Variants in FCGRT observed in about 807,000 individuals in gnomAD.
The protein encoded by FCGRT is IgG receptor FcRn large subunit p51.
A neutral mutation model predicts 35.7 loss-of-function variants in FCGRT; 13 were observed. The ratio of observed to expected loss-of-function variants is 0.36; its 90% CI spans 0.24 to 0.58. The LOEUF (loss-of-function observed/expected upper bound fraction) is 0.58, where lower values mean the gene tolerates loss of function less well. Ranked by LOEUF, FCGRT falls within the 20% of genes least tolerant of loss-of-function variation. FCGRT has a pLI of 0.77. For missense variants in FCGRT, 455 were observed against 474.9 expected (o/e 0.96, Z 0.39); for synonymous variants, 233 against 216.5 (o/e 1.08, Z -0.67).
chr19:49,523,525 G>A (rs1196152882), intron 4 of FCGRT, among the ~76,000 whole-genome samples: 1 of 152,044 alleles, frequency 6.6e-6, no homozygotes, highest in East Asian at 1.9e-4. Context: ...TCGAGATCGT[G>A]CCACTGCACT....
intron 4 of FCGRT, among the ~76,000 whole-genome samples, chr19:49,522,471 G>A (rs57752555): frequency 0.052 from 7,879 of 151,244 alleles, 283 homozygotes; most frequent in Middle Eastern, 0.097. Flanking sequence ...TTGCTCTGTC[G>A]CCCAGGCTGG....
intron 4 of FCGRT, among the ~76,000 whole-genome samples, chr19:49,517,858 A>G (rs1231228250): frequency 6.6e-6 from 1 of 152,010 alleles, no homozygotes; most frequent in Non-Finnish European, 1.5e-5. Flanking sequence ...TCGCCCAGCC[A>G]ATTTTTGTAT....
intron 4 of FCGRT, among the ~76,000 whole-genome samples, chr19:49,518,853 T>A (rs912056478): frequency 6.8e-6 from 1 of 146,480 alleles, no homozygotes; most frequent in Non-Finnish European, 1.5e-5. Flanking sequence ...GTTTTTTTCT[T>A]TTTTTTGGAG....
chr19:49,513,308 C>T (rs1045371810), intron 1 of FCGRT, 79 bp from the exon 2 acceptor site: 9 of 642,560 alleles, frequency 1.4e-5, no homozygotes, highest in Admixed American at 4.4e-5. Flanking sequence ...GCGTCCTGGT[C>T]CCGGCCGTGC....
In FCGRT at chr19:49,526,411, A is replaced by C. The variant is rs1248841158; in HGVS notation, c.*292A>C. ...GGACTGAATGGCGGCTGGGCCTCGG[A>C]TCTCTCCTACAGGTAACATGCTGCC... On this transcript the variant is annotated 3_prime_UTR_variant, in exon 7 of 7. Coordinates refer to ENST00000221466, the MANE Select transcript of FCGRT (RefSeq NM_001136019.3). 2.2e-6 allele frequency: 1 copy of C among 446,874 alleles called. No homozygotes were observed. Among genetic ancestry groups the C allele is most frequent in the East Asian group, 4.6e-5 (1 of 21,950 alleles). The allele number at this position is 446,874 out of a possible 1,614,324, so 27.7% of individuals were successfully genotyped here.
rs2079985021 is a variant in FCGRT at position 49,513,367 on chromosome 19, C to A, written c.-14-20C>A. The A allele has an allele frequency of 4.6e-6, 5 of 1,092,028 alleles. No individual in the cohort carries two copies. The highest frequency in any genetic ancestry group is 5.8e-6 in the Non-Finnish European group (5 of 865,908). The allele number at this position is 1,092,028 out of a possible 1,614,324, so 67.6% of individuals were successfully genotyped here. On this transcript the variant is annotated intron_variant, in intron 1 of 6. Transcript: ENST00000221466. ...GCGGGCCGGGGGTCGGGAGGAGTCA[C>A]GTGCCCCCTCCCGCCCCAGGTCGTC...
In FCGRT at chr19:49,517,034, T is replaced by A. The variant is rs565990700; in HGVS notation, c.601+2548T>A. Among the ~76,000 whole-genome samples the A allele has an allele frequency of 5.3e-5, 8 of 150,928 alleles. No individual in the cohort carries two copies. In the South Asian group the frequency reaches 1.0e-3, roughly 20 times the overall value. ...GTAAGACCGCATCTCTACTAAAAAC[T>A]CAAAAAATTAGCCTGGCATGGTGGT... On this transcript the variant is annotated intron_variant, in intron 4 of 6. Transcript: ENST00000221466.
rs1177979004 is a variant in FCGRT at position 49,524,519 on chromosome 19, T to C, written c.614T>C (p.Met205Thr). ...TGATTTCCTGCAGAGCCCCCCTCCA[T>C]GCGCCTGAAGGCCCGACCCAGCAGC... is the stretch of plus-strand genomic sequence containing the variant. ...GNLEWKEPPS[M>T]RLKARPSSPG... Residue 205 changes from methionine to threonine, a missense_variant, in exon 5 of 7, where the codon ATG (methionine) becomes ACG (threonine). Physicochemically the swap from Met to Thr is moderately conservative, Grantham distance 81. Transcript: ENST00000221466. 5 of 1,607,100 alleles carry C rather than the reference T, an allele frequency of 3.1e-6. No individual in the cohort carries two copies. Among genetic ancestry groups the C allele is most frequent in the East Asian group, 4.5e-5 (2 of 44,692 alleles).
chr19:49,524,986 C>T (rs2122699600), intron 5 of FCGRT: 1 of 691,338 alleles, frequency 1.4e-6, no homozygotes, highest in East Asian at 2.8e-5. Flanking sequence ...CTTCTGGCCT[C>T]ACTGAGTCTG....
intron 4 of FCGRT, among the ~76,000 whole-genome samples, chr19:49,514,867 T>G: frequency 6.6e-6 from 1 of 151,834 alleles, no homozygotes; most frequent in African/African-American, 2.4e-5. Context: ...TAATTTTGTA[T>G]TTTTAGTAGA....
rs1168003686 is a variant in FCGRT at position 49,524,653 on chromosome 19, G to A, written c.748G>A (p.Gly250Ser). The change falls in exon 5 of 7, where the codon GGC (glycine) becomes AGC (serine). Residue 250 changes from glycine to serine, a missense_variant. By Grantham distance (56) the Gly-to-Ser change is moderately conservative. Transcript: ENST00000221466. ...LAAGTGQGDF[G>S]PNSDGSFHAS... ...CGCTGGCACCGGCCAGGGTGACTTC[G>A]GCCCCAACAGTGACGGATCCTTCCA... 1.9e-6 allele frequency: 3 copies of A among 1,607,140 alleles called. No homozygotes were observed. Among genetic ancestry groups the A allele is most frequent in the Non-Finnish European group, 2.5e-6 (3 of 1,180,008 alleles).
chr19:49,525,810 G>T (rs2080072703), intron 6 of FCGRT, among the ~76,000 whole-genome samples, 200 bp from the exon 7 acceptor site: 1 of 151,552 alleles, frequency 6.6e-6, no homozygotes, highest in African/African-American at 2.4e-5. Context: ...AGAGGGAGGG[G>T]GAGACAGACC....
chr19:49,520,346 A>ATTTTT (rs77327285), intron 4 of FCGRT, among the ~76,000 whole-genome samples: 30 of 121,452 alleles, frequency 2.5e-4, no homozygotes, highest in African/African-American at 7.2e-4. Context: ...GCCAGGATGG[A>ATTTTT]TTTTTTTTTT....
chr19:49,517,688 GT>G (rs1008767457), intron 4 of FCGRT, among the ~76,000 whole-genome samples: 15 of 151,854 alleles, frequency 9.9e-5, no homozygotes, highest in Non-Finnish European at 2.1e-4. Context: ...ACATCACAGT[GT>G]TTTTTTCTTT....
At chr19:49,522,399 A>C (rs2080046219) in intron 4 of FCGRT, among the ~76,000 whole-genome samples, 1 of 151,148 alleles carries the variant, frequency 6.6e-6, no homozygotes, top group Non-Finnish European at 1.5e-5. Context: ...TATGTTTAAG[A>C]GTTCTGAATC....
intron 4 of FCGRT, among the ~76,000 whole-genome samples, chr19:49,516,363 C>T (rs2080007691): frequency 6.6e-6 from 1 of 151,824 alleles, no homozygotes; most frequent in Non-Finnish European, 1.5e-5. Flanking sequence ...CTGCCTCAGC[C>T]TCCCGAGTAG....
rs112749285 is a variant in FCGRT at position 49,525,964 on chromosome 19, G to A, written c.989-46G>A. 7,150 of 1,174,854 alleles carry A rather than the reference G, an allele frequency of 6.1e-3. 327 individuals carry two copies. The Admixed American group carries it at 0.074, about 12-fold the overall frequency. The allele number at this position is 1,174,854 out of a possible 1,614,324, so 72.8% of individuals were successfully genotyped here. A position where few individuals can be genotyped will look rare whatever the true frequency, so the allele number is the denominator to read the frequency against. ...ATGGGGGACGCCAGTCAGACCCAGA[G>A]CGCCTCAGAGATTCTGATGACCTCT... On this transcript the variant is annotated intron_variant, in intron 6 of 6. Transcript: ENST00000221466.
intron 4 of FCGRT, among the ~76,000 whole-genome samples, chr19:49,514,989 G>GCC (rs199977162): frequency 2.0e-5 from 3 of 146,688 alleles, no homozygotes; most frequent in African/African-American, 8.0e-5. Context: ...ACTGCTCCTG[G>GCC]CTCCCCCCTT....
chr19:49,519,409 A>C (rs1320995426), intron 4 of FCGRT, among the ~76,000 whole-genome samples: 3 of 151,698 alleles, frequency 2.0e-5, no homozygotes, highest in Non-Finnish European at 4.4e-5. Context: ...TCTGTGATTC[A>C]TTTTCAGGTA....
Sources: gnomAD v4.1 joint callset for allele counts (sites outside exome capture counted in the v4.1 genomes callset) on GRCh38, gnomAD v4.1.1 for gene constraint, MANE v1.5 for transcripts, NCBI Gene and HGNC (gene_info 2026-07-23, HGNC 2026-07-21) for gene names.